The following PCCA variants were observed in gnomAD, a reference collection of about 807,000 sequenced individuals.
PCCA encodes propionyl-CoA carboxylase subunit alpha, also known as propionyl-CoA carboxylase alpha chain, mitochondrial.
Under a neutral mutation model 101.3 loss-of-function variants are expected in PCCA, and 74 were observed. The ratio of observed to expected loss-of-function variants is 0.73; its 90% CI spans 0.61 to 0.89. The LOEUF (loss-of-function observed/expected upper bound fraction) is 0.89. PCCA is among the 40% of genes least tolerant of loss of function. The pLI is 0.00. For missense variants in PCCA, 891 were observed against 907.0 expected (o/e 0.98, Z 0.23); for synonymous variants, 294 against 313.6 (o/e 0.94, Z 0.66).
chr13:100,526,833 C>T (rs568047876), intron 22 of PCCA, among the ~76,000 whole-genome samples: 4 of 152,394 alleles, frequency 2.6e-5, no homozygotes, highest in African/African-American at 9.6e-5. Flanking sequence ...CTTAACCCAG[C>T]TCAGCCTGGC....
chr13:100,482,733 T>A (rs1032967143), intron 21 of PCCA, among the ~76,000 whole-genome samples: 1 of 152,106 alleles, frequency 6.6e-6, no homozygotes, highest in Non-Finnish European at 1.5e-5. Context: ...GGATTACAGG[T>A]GCATGCCACG....
At chr13:100,458,874 G>T (rs7991395) in intron 21 of PCCA, among the ~76,000 whole-genome samples, 1 of 152,000 alleles carries the variant, frequency 6.6e-6, no homozygotes, top group African/African-American at 2.4e-5. Context: ...ATAGGATTCC[G>T]TGTTAGTTTC....
intron 12 of PCCA, among the ~76,000 whole-genome samples, chr13:100,284,629 G>A (rs1013964784): frequency 2.0e-5 from 3 of 152,176 alleles, no homozygotes; most frequent in African/African-American, 7.2e-5. Flanking sequence ...CATCAATGAG[G>A]CAGTAATTCC....
At chr13:100,216,100 C>A (rs894544159) in intron 7 of PCCA, among the ~76,000 whole-genome samples, 1 of 151,910 alleles carries the variant, frequency 6.6e-6, no homozygotes, top group Admixed American at 6.6e-5. Context: ...CTCTCCTTCC[C>A]CTTTCCCTTC....
At chr13:100,338,383 G>A (rs1178181939) in intron 17 of PCCA, among the ~76,000 whole-genome samples, 5 of 152,134 alleles carry the variant, frequency 3.3e-5, no homozygotes, top group African/African-American at 1.2e-4. Context: ...CACACAATAT[G>A]TGTCCCTTGG....
At chr13:100,348,934 C>CTTTTCT (rs112432655) in intron 18 of PCCA, among the ~76,000 whole-genome samples, 1 of 56,598 alleles carries the variant, frequency 1.8e-5, no homozygotes, top group South Asian at 7.2e-4. Flanking sequence ...CTTTTCTTTT[C>CTTTTCT]TTTCTTTTCT....
At chr13:100,203,900 G>A (rs1164505738) in intron 6 of PCCA, among the ~76,000 whole-genome samples, 3 of 152,122 alleles carry the variant, frequency 2.0e-5, no homozygotes, top group East Asian at 1.9e-4. Flanking sequence ...AATCTCCCCA[G>A]TATTCTTTTT....
At chr13:100,165,500 T>C (rs2054938180) in intron 6 of PCCA, among the ~76,000 whole-genome samples, 1 of 152,206 alleles carries the variant, frequency 6.6e-6, no homozygotes, top group South Asian at 2.1e-4. Context: ...ATTAATATTT[T>C]TTCCCCTCAC....
At chr13:100,466,672 A>T (rs912670617) in intron 21 of PCCA, among the ~76,000 whole-genome samples, 1 of 152,168 alleles carries the variant, frequency 6.6e-6, no homozygotes, top group Admixed American at 6.5e-5. Flanking sequence ...AGCCTGGCCA[A>T]CATGGTGAAA....
chr13:100,354,077 T>A (rs1252008385), intron 18 of PCCA, among the ~76,000 whole-genome samples: 1 of 59,500 alleles, frequency 1.7e-5, no homozygotes, highest in Admixed American at 2.0e-4. Flanking sequence ...TCTCTACAAA[T>A]AATAATAATA....
chr13:100,516,636 T>A (rs1246127233), intron 22 of PCCA, among the ~76,000 whole-genome samples: 1 of 152,182 alleles, frequency 6.6e-6, no homozygotes, highest in Non-Finnish European at 1.5e-5. Context: ...TGTGAATTGT[T>A]GTTTGCTGTG....
At chr13:100,380,371 C>T (rs939366958) in intron 19 of PCCA, among the ~76,000 whole-genome samples, 3 of 152,014 alleles carry the variant, frequency 2.0e-5, no homozygotes, top group Non-Finnish European at 2.9e-5. Context: ...CAAAACCAAC[C>T]AAACAAACAA....
intron 18 of PCCA, among the ~76,000 whole-genome samples, chr13:100,364,863 C>T (rs1322277960): frequency 2.7e-5 from 4 of 150,938 alleles, no homozygotes; most frequent in Admixed American, 2.6e-4. Flanking sequence ...CCAGTCTGGG[C>T]GTCATAGCGA....
chr13:100,272,481 A>G (rs553616345), intron 11 of PCCA, among the ~76,000 whole-genome samples: 18 of 152,178 alleles, frequency 1.2e-4, no homozygotes, highest in Non-Finnish European at 2.2e-4. Context: ...TTCTCCAGAC[A>G]GTACTTCATG....
chr13:100,205,737 A>G (rs1325261396), intron 6 of PCCA, among the ~76,000 whole-genome samples: 1 of 152,006 alleles, frequency 6.6e-6, no homozygotes, highest in Admixed American at 6.6e-5. Context: ...GGGTACTCTG[A>G]TTGCTTGATT....
intron 18 of PCCA, among the ~76,000 whole-genome samples, chr13:100,365,528 T>G (rs1296609104): frequency 6.6e-6 from 1 of 152,194 alleles, no homozygotes; most frequent in Non-Finnish European, 1.5e-5. Flanking sequence ...CTGCTACAGT[T>G]TGAAAAATAT....
intron 18 of PCCA, among the ~76,000 whole-genome samples, chr13:100,354,956 A>G (rs951860444): frequency 1.3e-5 from 2 of 152,198 alleles, no homozygotes; most frequent in African/African-American, 4.8e-5. Flanking sequence ...CAAAATCCCA[A>G]TTTACAAGAC....
rs770880264 is a variant in PCCA at position 100,273,302 on chromosome 13, T to C, written c.1021T>C (p.Ser341Pro). ...TGGGACCGTGGAGTTCCTTGTGGAC[T>C]CTAAGAAGAATTTTTATTTCTTGGA... ...SAGTVEFLVDSKKNFYFLEMN... is the reference protein window; with the variant it reads ...SAGTVEFLVDPKKNFYFLEMN... The change falls in exon 12 of 24, where the codon TCT (serine) becomes CCT (proline). Residue 341 changes from serine (S) to proline (P), a missense_variant. Coordinates refer to ENST00000376285, the MANE Select transcript of PCCA (RefSeq NM_000282.4). 6.2e-7 allele frequency: 1 copy of C among 1,613,032 alleles called. No homozygotes were observed.
At chr13:100,514,975 C>A (rs905819171) in intron 21 of PCCA, among the ~76,000 whole-genome samples, 1 of 152,196 alleles carries the variant, frequency 6.6e-6, no homozygotes, top group Non-Finnish European at 1.5e-5. Flanking sequence ...GTAGTGCAGC[C>A]GCTCTTGGAG....
Sources: gnomAD v4.1 joint callset for allele counts (sites outside exome capture counted in the v4.1 genomes callset) on GRCh38, gnomAD v4.1.1 for gene constraint, MANE v1.5 for transcripts, NCBI Gene and HGNC (gene_info 2026-07-23, HGNC 2026-07-21) for gene names.